Variants in CCDC39 observed in about 807,000 individuals in gnomAD.
CCDC39 encodes the protein coiled-coil domain-containing protein 39.
Under a neutral mutation model 121.0 loss-of-function variants are expected in CCDC39, and 113 were observed. That is an observed-to-expected ratio of 0.93 (90% confidence interval 0.80 to 1.09). The LOEUF is 1.09. CCDC39 is among the 50% of genes least tolerant of loss of function. CCDC39 has a pLI of 0.00. For synonymous variants in CCDC39, 349 were observed against 352.2 expected, an observed-to-expected ratio of 0.99 and a Z score of 0.10; for missense variants, 1,063 against 1,074.7, an observed-to-expected ratio of 0.99 and a Z score of 0.15.
chr3:180,668,784 C>T (rs963084193), intron 1 of CCDC39, among the ~76,000 whole-genome samples: 17 of 152,222 alleles, frequency 1.1e-4, no homozygotes, highest in African/African-American at 3.6e-4. Context: ...GTTCACCAGA[C>T]ATTCACAATC....
chr3:180,649,123 A>T (rs989535009), intron 9 of CCDC39, among the ~76,000 whole-genome samples: 6 of 152,164 alleles, frequency 3.9e-5, no homozygotes, highest in African/African-American at 1.2e-4. Flanking sequence ...ATTTCTAAAA[A>T]TTTAACTATT....
chr3:180,676,487 G>A (rs141630214), intron 1 of CCDC39, among the ~76,000 whole-genome samples: 6,505 of 79,610 alleles, frequency 0.082, no homozygotes, highest in East Asian at 0.12. Flanking sequence ...AAAAAGTCAG[G>A]AAACAACAGG....
chr3:180,669,516 T>G (rs373807479), intron 1 of CCDC39, among the ~76,000 whole-genome samples: 1 of 152,126 alleles, frequency 6.6e-6, no homozygotes, highest in Admixed American at 6.5e-5. Context: ...TTAATATACT[T>G]GCACATGACC....
Position 180,679,229 on chromosome 3 carries a change from A to G in CCDC39, c.90+62T>C. On this transcript the variant is annotated intron_variant, in intron 1 of 19. Coordinates refer to ENST00000476379, the MANE Select transcript of CCDC39 (RefSeq NM_181426.2). This position sits in a 1 kb window ranked among gnomAD's most constrained non-coding sequence, Gnocchi z 4.0. ...ATAAAAGGGCTGGGGTAGTACTGCC[A>G]ACCAGAAAACGCCCCCAACAGGCTC... 1 of 1,332,024 alleles carries G rather than the reference A, an allele frequency of 7.5e-7. No homozygotes were observed. Among genetic ancestry groups the G allele is most frequent in the Non-Finnish European group, 1.1e-6 (1 of 922,372 alleles). The allele number at this position is 1,332,024 out of a possible 1,614,324, so 82.5% of individuals were successfully genotyped here. A position where few individuals can be genotyped will look rare whatever the true frequency, so the allele number is the denominator to read the frequency against.
intron 14 of CCDC39, among the ~76,000 whole-genome samples, chr3:180,624,558 C>CT (rs1345301959): frequency 6.6e-6 from 1 of 151,896 alleles, no homozygotes; most frequent in Non-Finnish European, 1.5e-5. Flanking sequence ...TTCTCTTCCT[C>CT]TTTTGTGTGT....
At chr3:180,631,367 G>T in intron 14 of CCDC39, 102 bp downstream of exon 14, 1 of 1,101,628 alleles carries the variant, frequency 9.1e-7, no homozygotes, top group Non-Finnish European at 1.3e-6. Context: ...TGGAGGGAAA[G>T]TTGCAATATT....
intron 13 of CCDC39, among the ~76,000 whole-genome samples, chr3:180,635,069 C>T (rs1009150235): frequency 5.3e-5 from 8 of 152,158 alleles, no homozygotes; most frequent in Non-Finnish European, 8.8e-5. Context: ...CCTCTGGAAA[C>T]ATATAATCAT....
At chr3:180,637,920 T>C (rs563768453) in intron 13 of CCDC39, among the ~76,000 whole-genome samples, 2 of 152,234 alleles carry the variant, frequency 1.3e-5, no homozygotes, top group East Asian at 3.9e-4. Flanking sequence ...CATTGGGACC[T>C]GTTGGTGGGT....
In CCDC39 at chr3:180,651,538, A is replaced by T. The variant is rs200089274; in HGVS notation, c.1035-5T>A. 6.6e-7 allele frequency: 1 copy of T among 1,517,888 alleles called. No homozygotes were observed. The highest frequency in any genetic ancestry group is 2.4e-5 in the Admixed American group (1 of 42,362). 94.0% of individuals were successfully genotyped at this position (1,517,888 alleles called of 1,614,324 possible). On this transcript the variant is annotated splice_polypyrimidine_tract_variant and splice_region_variant and intron_variant, in intron 8 of 19. Transcript: ENST00000476379. ...TGATTTTTAGTTTTTTGTAACCTGA[A>T]GAGGGTTTATCACAAAAAGATAGAA...
intron 15 of CCDC39, 48 bp from the exon 16 acceptor site, chr3:180,619,413 AAATC>A: frequency 1.1e-6 from 1 of 914,472 alleles, no homozygotes; most frequent in Non-Finnish European, 1.7e-6. Context: ...TACTAAGTAG[AAATC>A]AATTTTAAAG....
At chr3:180,636,844 C>G (rs1436485243) in intron 13 of CCDC39, among the ~76,000 whole-genome samples, 1 of 152,104 alleles carries the variant, frequency 6.6e-6, no homozygotes, top group Non-Finnish European at 1.5e-5. Context: ...ACTCGCTATT[C>G]AATACATGGT....
At chr3:180,665,819 A>G (rs1231800869) in intron 1 of CCDC39, among the ~76,000 whole-genome samples, 1 of 151,710 alleles carries the variant, frequency 6.6e-6, no homozygotes, top group African/African-American at 2.4e-5. Context: ...TTTAATACGG[A>G]GGATCATTTT....
Position 180,679,153 on chromosome 3 carries a change from C to A in CCDC39, c.90+138G>T, listed in dbSNP as rs1228077331. ...AGGCAGAGAGGGTAAGGGAGGAGGG[C>A]GATGGTGCGGGGGAGTGTTAGAGGA... On this transcript the variant is annotated intron_variant, in intron 1 of 19. Transcript: ENST00000476379. The surrounding 1 kb of genome is among the most constrained non-coding windows in gnomAD (Gnocchi z 4.0). 2.8e-6 allele frequency: 2 copies of A among 724,792 alleles called. No individual in the cohort carries two copies. The highest frequency in any genetic ancestry group is 1.8e-5 in the African/African-American group (1 of 57,038). 44.9% of individuals were successfully genotyped at this position (724,792 alleles called of 1,614,324 possible).
At chr3:180,635,648 G>T (rs573679871) in intron 13 of CCDC39, among the ~76,000 whole-genome samples, 1 of 152,156 alleles carries the variant, frequency 6.6e-6, no homozygotes, top group East Asian at 1.9e-4. Flanking sequence ...CTCACATCCA[G>T]GGCACACTGA....
intron 13 of CCDC39, among the ~76,000 whole-genome samples, chr3:180,640,326 A>G (rs1172396367): frequency 6.6e-6 from 1 of 152,162 alleles, no homozygotes; most frequent in Non-Finnish European, 1.5e-5. Context: ...GATGCAGCTA[A>G]TATAATACTT....
chr3:180,616,600 A>G lies in CCDC39; in HGVS notation c.2502T>C (p.Phe834=). The G allele has an allele frequency of 6.2e-7, 1 of 1,600,804 alleles. No individual in the cohort carries two copies. The highest frequency in any genetic ancestry group is 8.5e-7 in the Non-Finnish European group (1 of 1,173,690). Residue 834 remains phenylalanine, a synonymous_variant, in exon 18 of 20, where the codon TTT becomes TTC. Coordinates refer to ENST00000476379, the MANE Select transcript of CCDC39 (RefSeq NM_181426.2). ...CTAACATTTCATCAATAACTTTGTG[A>G]AACTGTTTCATTTCACGAAGTTTGA... is the stretch of plus-strand genomic sequence containing the variant. ...QDIKLREMKQ[F]HKVIDEMLVD... is the part of the protein sequence containing the mutation.
Position 180,651,523 on chromosome 3 carries a change from T to C in CCDC39, c.1045A>G (p.Thr349Ala), listed in dbSNP as rs777047872. 3 of 1,525,872 alleles carry C rather than the reference T, an allele frequency of 2.0e-6. No individual in the cohort carries two copies. The highest frequency in any genetic ancestry group is 1.3e-5 in the South Asian group (1 of 77,310). 94.5% of individuals were successfully genotyped at this position (1,525,872 alleles called of 1,614,324 possible). ...IHEETARLQKTKNHNEIIQTK... is the reference protein window; with the variant it reads ...IHEETARLQKAKNHNEIIQTK... The stretch of plus-strand genomic sequence containing the variant: ...TGTATTATCTCATTATGATTTTTAG[T>C]TTTTTGTAACCTGAAGAGGGTTTAT... The change falls in exon 9 of 20, where the codon ACT becomes GCT. Residue 349 changes from threonine (T) to alanine (A), a missense_variant. Physicochemically the swap from Thr to Ala is moderately conservative, Grantham distance 58. Coordinates refer to ENST00000476379, the MANE Select transcript of CCDC39 (RefSeq NM_181426.2).
At chr3:180,677,168 T>TTA (rs58408770) in intron 1 of CCDC39, among the ~76,000 whole-genome samples, 1,772 of 34,900 alleles carry the variant, frequency 0.051, 139 homozygotes, top group Non-Finnish European at 0.056. Flanking sequence ...AATAATAATT[T>TTA]TATATATATA....
At position 180,617,852 on chromosome 3, in the gene CCDC39, A is replaced by G. The variant is rs532226901; in HGVS notation, c.2266-886T>C. Reference sequence around the variant, plus strand: ...GTAGCCTAGGTGTACATTATTTATCATGTCTACAGTAGTGTTCAGCAATTA... The same window carrying G: ...GTAGCCTAGGTGTACATTATTTATCGTGTCTACAGTAGTGTTCAGCAATTA... On this transcript the variant is annotated intron_variant, in intron 16 of 19. Transcript: ENST00000476379. The G allele has an allele frequency of 2.3e-5, 4 of 176,592 alleles. No homozygotes were observed. In the East Asian group the frequency reaches 5.6e-4, roughly 25 times the overall value. 10.9% of individuals were successfully genotyped at this position (176,592 alleles called of 1,614,324 possible).
Sources: gnomAD v4.1 joint callset for allele counts (sites outside exome capture counted in the v4.1 genomes callset) on GRCh38, gnomAD v4.1.1 for gene constraint, Gnocchi (gnomAD v3.1) non-coding constraint, MANE v1.5 for transcripts, NCBI Gene and HGNC (gene_info 2026-07-23, HGNC 2026-07-21) for gene names.